CNBD1: variants seen among roughly 807,000 people sequenced by gnomAD.
CNBD1 encodes the protein cyclic nucleotide binding domain containing 1, also known as cyclic nucleotide-binding domain-containing protein 1.
CNBD1 carries 71 observed loss-of-function variants against 54.4 expected under a neutral mutation model. The observed-to-expected ratio is 1.30, with a 90% CI of 1.08 to 1.59. The LOEUF (loss-of-function observed/expected upper bound fraction) is 1.59. Ranked by LOEUF, CNBD1 falls within the 40% of genes most tolerant of loss-of-function variation. The probability of loss-of-function intolerance (pLI) is 0.00; values close to 1 mark genes in which losing one functional copy is unlikely to be tolerated. For missense variants in CNBD1, 659 were observed against 518.0 expected, an observed-to-expected ratio of 1.27 and a Z score of -2.64; for synonymous variants, 182 against 170.7, an observed-to-expected ratio of 1.07 and a Z score of -0.51.
chr8:87,392,165 A>G (rs1811322525), intron 2 of CNBD1, among the ~76,000 whole-genome samples: 1 of 152,068 alleles, frequency 6.6e-6, no homozygotes, highest in South Asian at 2.1e-4. Context: ...AAGTGTTGTC[A>G]AAGATGTGAA....
intron 4 of CNBD1, among the ~76,000 whole-genome samples, chr8:87,077,059 G>A (rs1424368676): frequency 6.6e-6 from 1 of 152,138 alleles, no homozygotes; most frequent in Admixed American, 6.5e-5. Context: ...GCTTACCATG[G>A]AAAGGGAAAC....
At chr8:87,271,005 T>A (rs1003864258) in intron 6 of CNBD1, among the ~76,000 whole-genome samples, 19 of 151,844 alleles carry the variant, frequency 1.3e-4, no homozygotes. Flanking sequence ...CTTGGTAGGT[T>A]ATATGTGTCC....
In CNBD1 at chr8:87,119,029, C is replaced by G. The variant is rs113392514; in HGVS notation, c.432-86964C>G. Reference sequence around the variant, plus strand: ...CACTTTCATTTAACAAACATGTATTCAGCACCTACTGTATGCCAAGTACTG... The same window carrying G: ...CACTTTCATTTAACAAACATGTATTGAGCACCTACTGTATGCCAAGTACTG... On this transcript the variant is annotated intron_variant, in intron 4 of 10. Transcript: ENST00000518476. Among the ~76,000 whole-genome samples, 128 of 152,262 alleles carry G rather than the reference C, an allele frequency of 8.4e-4. 2 individuals are homozygous for G. The highest frequency in any genetic ancestry group is 2.0e-3 in the Admixed American group (31 of 15,290).
intron 4 of CNBD1, among the ~76,000 whole-genome samples, chr8:87,064,685 G>C (rs1390675310): frequency 6.6e-6 from 1 of 151,608 alleles, no homozygotes. Context: ...CCTAGTTTTT[G>C]TTTGTCTGAA....
intron 4 of CNBD1, among the ~76,000 whole-genome samples, chr8:86,967,002 C>A (rs1334559533): frequency 6.6e-6 from 1 of 152,152 alleles, no homozygotes; most frequent in East Asian, 1.9e-4. Context: ...GGTGTATTTA[C>A]AAACCTTTAG....
intron 8 of CNBD1, among the ~76,000 whole-genome samples, chr8:87,298,619 G>A (rs1222199736): frequency 1.3e-5 from 2 of 151,666 alleles, no homozygotes; most frequent in Non-Finnish European, 2.9e-5. Context: ...TGAGTAGCCA[G>A]GATTACAGGC....
chr8:87,405,726 G>A (rs1423352447), intron 2 of CNBD1, among the ~76,000 whole-genome samples: 2 of 152,012 alleles, frequency 1.3e-5, no homozygotes, highest in Middle Eastern at 3.2e-3. Context: ...CATTTCTTTG[G>A]CATGAAATGT....
At chr8:87,361,180 A>G (rs938521011) in intron 10 of CNBD1, among the ~76,000 whole-genome samples, 3 of 151,996 alleles carry the variant, frequency 2.0e-5, no homozygotes, top group African/African-American at 7.2e-5. Flanking sequence ...CTTATTTTTA[A>G]ATCAGATAAA....
intron 2 of CNBD1, among the ~76,000 whole-genome samples, chr8:87,415,099 G>A (rs910200908): frequency 2.6e-5 from 4 of 152,030 alleles, no homozygotes; most frequent in Admixed American, 2.0e-4. Flanking sequence ...GTATCACAAG[G>A]ATCTGAGTGT....
chr8:87,382,204 G>A (rs1172321630), intron 10 of CNBD1, among the ~76,000 whole-genome samples: 2 of 151,756 alleles, frequency 1.3e-5, no homozygotes, highest in Non-Finnish European at 2.9e-5. Flanking sequence ...CAGCATTTTG[G>A]CATTTCCTAT....
At chr8:87,314,704 G>T (rs963525409) in intron 8 of CNBD1, among the ~76,000 whole-genome samples, 5 of 151,926 alleles carry the variant, frequency 3.3e-5, no homozygotes, top group Non-Finnish European at 5.9e-5. Context: ...GTAAAATCTT[G>T]CAAGATGAAT....
At chr8:86,989,060 T>C (rs553363831) in intron 4 of CNBD1, among the ~76,000 whole-genome samples, 2 of 152,098 alleles carry the variant, frequency 1.3e-5, no homozygotes, top group South Asian at 4.1e-4. Flanking sequence ...TGTTTGAACT[T>C]TGGAGTTTGA....
chr8:87,084,856 G>A (rs995231727), intron 4 of CNBD1, among the ~76,000 whole-genome samples: 5 of 151,840 alleles, frequency 3.3e-5, no homozygotes, highest in Admixed American at 2.6e-4. Flanking sequence ...TGTATTTTTA[G>A]TTGAGACGGG....
At chr8:86,969,799 C>G (rs201365795) in intron 4 of CNBD1, among the ~76,000 whole-genome samples, 1 of 141,464 alleles carries the variant, frequency 7.1e-6, no homozygotes, top group Non-Finnish European at 1.6e-5. Context: ...TATATACACA[C>G]ACACACACAC....
chr8:87,355,666 G>A (rs531317659), intron 10 of CNBD1, among the ~76,000 whole-genome samples: 1 of 152,262 alleles, frequency 6.6e-6, no homozygotes, highest in Admixed American at 6.5e-5. Context: ...AAAGAAATTT[G>A]TAGACATTAC....
chr8:87,396,899 T>C (rs537897753), intron 2 of CNBD1, among the ~76,000 whole-genome samples: 2 of 151,200 alleles, frequency 1.3e-5, no homozygotes, highest in East Asian at 3.9e-4. Flanking sequence ...TTCTTTTTTT[T>C]TTTTTCAAGT....
At chr8:87,281,050 T>C (rs1291846832) in intron 6 of CNBD1, among the ~76,000 whole-genome samples, 3 of 151,766 alleles carry the variant, frequency 2.0e-5, no homozygotes, top group African/African-American at 7.2e-5. Flanking sequence ...GCTATATTTA[T>C]TAAAAATTCA....
chr8:87,226,815 G>A, intron 5 of CNBD1, among the ~76,000 whole-genome samples: 1 of 151,356 alleles, frequency 6.6e-6, no homozygotes. Context: ...CTGTCTCGTT[G>A]ATCTGTCTAA....
intron 1 of CNBD1, among the ~76,000 whole-genome samples, chr8:86,874,907 G>A (rs1808491564): frequency 6.7e-6 from 1 of 148,842 alleles, no homozygotes; most frequent in Non-Finnish European, 1.5e-5. Context: ...TTGATCTTAG[G>A]ATGCCATTAC....
Sources: gnomAD v4.1 joint callset for allele counts (sites outside exome capture counted in the v4.1 genomes callset) on GRCh38, gnomAD v4.1.1 for gene constraint, MANE v1.5 for transcripts, NCBI Gene and HGNC (gene_info 2026-07-23, HGNC 2026-07-21) for gene names.